The following DPP10 variants were observed in gnomAD, a reference collection of about 807,000 sequenced individuals.
The protein encoded by DPP10 is dipeptidyl peptidase like 10.
DPP10 carries 33 observed loss-of-function variants against 120.9 expected under a neutral mutation model. The ratio of observed to expected loss-of-function variants is 0.27; its 90% CI spans 0.21 to 0.37. DPP10 has a LOEUF of 0.37. DPP10 is among the 10% of genes least tolerant of loss of function. DPP10 has a pLI of 1.00. For missense variants in DPP10, 816 were observed against 942.8 expected (o/e 0.87, Z 1.76); for synonymous variants, 337 against 326.1 (o/e 1.03, Z -0.36).
rs188681862 is a variant in DPP10, at chr2:115,700,884, A to G, written c.576+10963A>G. Among the ~76,000 whole-genome samples the G allele has an allele frequency of 2.6e-5, 4 of 152,270 alleles. No homozygotes were observed. In the East Asian group the frequency reaches 7.7e-4, roughly 29 times the overall value. On this transcript the variant is annotated intron_variant, in intron 7 of 25. Transcript: ENST00000410059. ...GAATGCTAAGAAATTAACTCAGTCA[A>G]ATAGATGAAAGACTCATACAATGAA...
intron 1 of DPP10, among the ~76,000 whole-genome samples, chr2:115,226,589 T>C (rs1424945749): frequency 1.3e-5 from 2 of 152,224 alleles, no homozygotes; most frequent in African/African-American, 4.8e-5. Flanking sequence ...TAATGTCATA[T>C]TGTGTCAGGT....
chr2:115,240,589 C>A (rs542950657), intron 1 of DPP10, among the ~76,000 whole-genome samples: 3 of 152,252 alleles, frequency 2.0e-5, no homozygotes, highest in Admixed American at 2.0e-4. Context: ...GTTATCTGTT[C>A]ACTCTGCTCA....
intron 1 of DPP10, among the ~76,000 whole-genome samples, chr2:114,662,292 G>C (rs532754075): frequency 9.8e-5 from 15 of 152,330 alleles, no homozygotes; most frequent in Admixed American, 7.2e-4. Context: ...AACTCAGAGC[G>C]AAAGTCCAAA....
At chr2:114,676,104 T>G (rs1475710627) in intron 1 of DPP10, among the ~76,000 whole-genome samples, 1 of 152,154 alleles carries the variant, frequency 6.6e-6, no homozygotes, top group Non-Finnish European at 1.5e-5. Flanking sequence ...CCAGCCCATC[T>G]CTAAGAATGC....
chr2:114,923,083 T>A (rs1285256434), intron 1 of DPP10, among the ~76,000 whole-genome samples: 1 of 152,202 alleles, frequency 6.6e-6, no homozygotes, highest in Admixed American at 6.5e-5. Context: ...TTGGACTGTC[T>A]TTTTATTGTT....
At chr2:114,451,125 G>A (rs1276485694) in intron 1 of DPP10, among the ~76,000 whole-genome samples, 1 of 151,876 alleles carries the variant, frequency 6.6e-6, no homozygotes, top group Admixed American at 6.6e-5. Context: ...AAAGAATTAG[G>A]ACAGAGAGAC....
At chr2:114,852,522 T>C (rs2106493723) in intron 1 of DPP10, among the ~76,000 whole-genome samples, 1 of 152,258 alleles carries the variant, frequency 6.6e-6, no homozygotes. Flanking sequence ...TTATAAGTAA[T>C]CTAGAGACGA....
chr2:114,668,145 G>A (rs1573927313), intron 1 of DPP10, among the ~76,000 whole-genome samples: 1 of 152,178 alleles, frequency 6.6e-6, no homozygotes, highest in Middle Eastern at 3.4e-3. Flanking sequence ...TGATCGCTGA[G>A]GCCAAGAAGT....
chr2:115,238,674 T>A (rs1463496758), intron 1 of DPP10, among the ~76,000 whole-genome samples: 1 of 152,146 alleles, frequency 6.6e-6, no homozygotes, highest in Admixed American at 6.6e-5. Flanking sequence ...AAGGATTTAC[T>A]TCTTATGGAT....
chr2:114,515,249 A>G (rs1404650697), intron 1 of DPP10, among the ~76,000 whole-genome samples: 2 of 152,172 alleles, frequency 1.3e-5, no homozygotes, highest in Non-Finnish European at 2.9e-5. Context: ...GTCTTTTCAG[A>G]GCCTAATTTG....
At chr2:115,777,354 C>A (rs576222796) in intron 14 of DPP10, 55 bp downstream of exon 14, 7 of 1,436,832 alleles carry the variant, frequency 4.9e-6, no homozygotes, top group East Asian at 2.3e-5. Flanking sequence ...CAAATGCCAT[C>A]TTTTCTAATA....
intron 1 of DPP10, among the ~76,000 whole-genome samples, chr2:114,995,542 A>G (rs1035678620): frequency 1.1e-4 from 16 of 152,240 alleles, no homozygotes; most frequent in Non-Finnish European, 1.8e-4. Context: ...TAGAGTAATC[A>G]ACATATGCAA....
At chr2:114,519,442 G>A (rs532506649) in intron 1 of DPP10, among the ~76,000 whole-genome samples, 1 of 152,306 alleles carries the variant, frequency 6.6e-6, no homozygotes, top group South Asian at 2.1e-4. Context: ...TGCATACATT[G>A]ATCTAAAAAG....
intron 13 of DPP10, among the ~76,000 whole-genome samples, chr2:115,774,209 TACACACACACAC>T (rs3069387): frequency 0.012 from 1,734 of 147,632 alleles, 14 homozygotes; most frequent in Middle Eastern, 0.038. Context: ...AAAACACACA[TACACACACACAC>T]ACACACACAC....
intron 1 of DPP10, among the ~76,000 whole-genome samples, chr2:115,131,390 G>C (rs1559129726): frequency 6.6e-6 from 1 of 152,062 alleles, no homozygotes; most frequent in Non-Finnish European, 1.5e-5. Flanking sequence ...ATATGTGTCT[G>C]TGGTCCCAGC....
At chr2:114,903,903 A>C (rs997281486) in intron 1 of DPP10, among the ~76,000 whole-genome samples, 1 of 152,252 alleles carries the variant, frequency 6.6e-6, no homozygotes, top group Non-Finnish European at 1.5e-5. Flanking sequence ...TCTGCCTTAC[A>C]GGCATCTTGA....
At chr2:115,082,590 C>T (rs1013099341) in intron 1 of DPP10, among the ~76,000 whole-genome samples, 1 of 152,084 alleles carries the variant, frequency 6.6e-6, no homozygotes, top group Non-Finnish European at 1.5e-5. Context: ...TGGATATAAT[C>T]TGAGTAGTCT....
intron 1 of DPP10, among the ~76,000 whole-genome samples, chr2:114,726,074 T>C: frequency 6.6e-6 from 1 of 151,346 alleles, no homozygotes. Context: ...CTACTAAAAA[T>C]ACAAAAAAAA....
At chr2:114,499,285 A>T (rs140669825) in intron 1 of DPP10, among the ~76,000 whole-genome samples, 1,723 of 152,312 alleles carry the variant, frequency 0.011, 28 homozygotes, top group Middle Eastern at 0.044. Context: ...CAGAAAGGGC[A>T]GGGAGTTAAC....
Sources: allele counts gnomAD v4.1 joint callset (sites outside exome capture counted in the v4.1 genomes callset), GRCh38; gene constraint gnomAD v4.1.1; transcripts MANE v1.5; gene names NCBI Gene and HGNC (gene_info 2026-07-23, HGNC 2026-07-21).